Variants in SYNE2 observed in about 807,000 individuals in gnomAD.
SYNE2 encodes the protein spectrin repeat containing nuclear envelope protein 2.
A neutral mutation model predicts 856.3 loss-of-function variants in SYNE2; 431 were observed. That is an observed-to-expected ratio of 0.50 (90% CI 0.47 to 0.55). SYNE2 has a LOEUF of 0.55. SYNE2 is among the 20% of genes least tolerant of loss of function. The probability of loss-of-function intolerance (pLI) is 0.00; values close to 1 mark genes in which losing one functional copy is unlikely to be tolerated. For missense variants in SYNE2, 8,129 were observed against 8,023.2 expected, an observed-to-expected ratio of 1.01 and a Z score of -0.50; for synonymous variants, 2,923 against 2,872.3, an observed-to-expected ratio of 1.02 and a Z score of -0.56.
At chr14:64,096,750 TCAC>T (rs1179406181) in intron 61 of SYNE2, among the ~76,000 whole-genome samples, 1 of 152,198 alleles carries the variant, frequency 6.6e-6, no homozygotes, top group Non-Finnish European at 1.5e-5. Flanking sequence ...TTTGGACAAA[TCAC>T]CTTCTTTCTC....
intron 79 of SYNE2, 103 bp downstream of exon 79, chr14:64,138,086 T>G: frequency 7.3e-7 from 1 of 1,366,154 alleles, no homozygotes; most frequent in South Asian, 1.3e-5. Flanking sequence ...CCTTATGCTG[T>G]TTTTTCTTGG....
intron 1 of SYNE2, among the ~76,000 whole-genome samples, chr14:63,854,393 A>T (rs1054607922): frequency 6.6e-6 from 1 of 152,038 alleles, no homozygotes; most frequent in Non-Finnish European, 1.5e-5. Flanking sequence ...TTCAGCTTTT[A>T]TGGGATGAAT....
At chr14:64,137,292 T>TG (rs1448884732) in intron 78 of SYNE2, among the ~76,000 whole-genome samples, 1 of 152,172 alleles carries the variant, frequency 6.6e-6, no homozygotes, top group Non-Finnish European at 1.5e-5. Flanking sequence ...CTCTACCTCC[T>TG]GGGTTCCAGC....
chr14:64,105,699 A>G (rs1388956969), intron 64 of SYNE2, among the ~76,000 whole-genome samples: 2 of 152,246 alleles, frequency 1.3e-5, no homozygotes, highest in African/African-American at 4.8e-5. Context: ...TCTTAAAAGA[A>G]GGATTGCTGA....
rs1297032187 is a variant in SYNE2 at position 63,974,880 on chromosome 14, G to GTA, written c.1129-1682_1129-1681insAT. ...TGTGTGTGTGTGTGTGTGTGTGTGT[G>GTA]TGTGTGTGTGTGTATATATATATAT... On this transcript the variant is annotated intron_variant, in intron 11 of 115. Coordinates refer to ENST00000555002, the MANE Select transcript of SYNE2 (RefSeq NM_182914.3). Among the ~76,000 whole-genome samples the GTA allele has an allele frequency of 2.8e-3, 81 of 28,558 alleles. 1 individual carries two copies. Among genetic ancestry groups the GTA allele is most frequent in the African/African-American group, 9.5e-3 (76 of 7,996 alleles). 18.7% of individuals were successfully genotyped at this position (28,558 alleles called of 152,430 possible). A position where few individuals can be genotyped will look rare whatever the true frequency, so the allele number is the denominator to read the frequency against.
chr14:64,154,868 G>A (rs2153706981), intron 85 of SYNE2, among the ~76,000 whole-genome samples: 1 of 150,784 alleles, frequency 6.6e-6, no homozygotes, highest in Middle Eastern at 3.4e-3. Flanking sequence ...TGGCCGAAAA[G>A]TGCATTGAAA....
chr14:63,902,407 CAAAAAAAAAAAA>C (rs10533353), intron 1 of SYNE2, among the ~76,000 whole-genome samples: 1 of 74,644 alleles, frequency 1.3e-5, no homozygotes, highest in Non-Finnish European at 2.4e-5. Context: ...CGAGACTCCT[CAAAAAAAAAAAA>C]AAAAAAAAAA....
chr14:63,802,928 A>C lies in SYNE2; in HGVS notation c.-305+40942A>C, dbSNP rs1021841028. Among the ~76,000 whole-genome samples the C allele has an allele frequency of 2.0e-5, 3 of 152,190 alleles. No individual in the cohort carries two copies. In the East Asian group the frequency reaches 5.8e-4, roughly 29 times the overall value. On this transcript the variant is annotated intron_variant, in intron 1 of 23. Transcript: ENST00000674003. ...CGCGGTGAGTGTTACAGCTCATAAA[A>C]GCAGCGTGAACCCAAAGAGTGAGCA...
chr14:64,080,580 T>C lies in SYNE2; in HGVS notation c.11288T>C (p.Phe3763Ser). The C allele has an allele frequency of 1.2e-6, 2 of 1,614,172 alleles. No individual in the cohort carries two copies. The highest frequency in any genetic ancestry group is 1.1e-5 in the South Asian group (1 of 91,082). Residue 3763 changes from phenylalanine to serine, a missense_variant, in exon 56 of 116, where the codon TTC (phenylalanine) becomes TCC (serine). Phe to Ser is a radical substitution (Grantham distance 155). Coordinates refer to ENST00000555002, the MANE Select transcript of SYNE2 (RefSeq NM_182914.3). Reference protein sequence around the residue: ...QEWMDNLMIPFQQYQQVSQRA... With the variant: ...QEWMDNLMIPSQQYQQVSQRA... ...TGGATGGATAACTTGATGATTCCTTTCCAGCAGTATCAGCAAGTATCACAG... is the reference window on the plus strand; with the variant it reads ...TGGATGGATAACTTGATGATTCCTTCCCAGCAGTATCAGCAAGTATCACAG...
At chr14:64,008,935 G>C (rs1010678502) in intron 31 of SYNE2, among the ~76,000 whole-genome samples, 3 of 152,156 alleles carry the variant, frequency 2.0e-5, no homozygotes, top group Admixed American at 2.0e-4. Context: ...CTCCCTGGCA[G>C]TTTCCCCTGA....
Position 64,052,896 on chromosome 14 carries a change from A to G in SYNE2, c.8983A>G (p.Ile2995Val), listed in dbSNP as rs2097238123. The G allele has an allele frequency of 1.2e-6, 2 of 1,613,668 alleles. No homozygotes were observed. Among genetic ancestry groups the G allele is most frequent in the Non-Finnish European group, 1.7e-6 (2 of 1,179,910 alleles). ...KDRLTAIKCC[I>V]LQVLKLKKVF... Reference sequence around the variant, plus strand: ...CAGACTCACCGCTATTAAGTGTTGCATCTTACAGGTATTGAAACTTAAAAA... The same window carrying G: ...CAGACTCACCGCTATTAAGTGTTGCGTCTTACAGGTATTGAAACTTAAAAA... Residue 2995 changes from isoleucine (I) to valine (V), a missense_variant, in exon 48 of 116, where the codon ATC (isoleucine) becomes GTC (valine). Coordinates refer to ENST00000555002, the MANE Select transcript of SYNE2 (RefSeq NM_182914.3).
intron 1 of SYNE2, among the ~76,000 whole-genome samples, chr14:63,814,504 TAA>T (rs1888765128): frequency 2.6e-5 from 3 of 114,766 alleles, no homozygotes; most frequent in South Asian, 2.9e-4. Flanking sequence ...TCCATATATA[TAA>T]TATATATATC....
At chr14:63,944,824 C>CTTTTTGT (rs2095996518) in intron 6 of SYNE2, among the ~76,000 whole-genome samples, 1 of 46,932 alleles carries the variant, frequency 2.1e-5, no homozygotes, top group African/African-American at 1.0e-4. Flanking sequence ...GGGCTTAAAG[C>CTTTTTGT]TTTTTTTTTT....
Position 64,190,212 on chromosome 14 carries a change from C to T in SYNE2, c.18013C>T (p.His6005Tyr). 2 of 1,614,040 alleles carry T rather than the reference C, an allele frequency of 1.2e-6. No individual in the cohort carries two copies. Among genetic ancestry groups the T allele is most frequent in the Non-Finnish European group, 1.7e-6 (2 of 1,180,022 alleles). ...CAACAAAATTAACGATCGTTGGCAACATCTTTTTGATGTCATCGGATCAAG... is the reference window on the plus strand; with the variant it reads ...CAACAAAATTAACGATCGTTGGCAATATCTTTTTGATGTCATCGGATCAAG... The part of the protein sequence containing the change: ...KLNKINDRWQ[H>Y]LFDVIGSRVK... Residue 6005 changes from histidine to tyrosine, a missense_variant, in exon 99 of 116, where the codon CAT (histidine) becomes TAT (tyrosine). By Grantham distance (83) the His-to-Tyr change is moderately conservative. Transcript: ENST00000555002.
intron 1 of SYNE2, among the ~76,000 whole-genome samples, chr14:63,765,578 C>T (rs752524005): frequency 1.3e-5 from 2 of 152,042 alleles, no homozygotes; most frequent in Non-Finnish European, 2.9e-5. Context: ...AGGATGGTCT[C>T]GATCTCCTGA....
intron 1 of SYNE2, among the ~76,000 whole-genome samples, chr14:63,826,494 G>T (rs1427703843): frequency 6.6e-6 from 1 of 152,058 alleles, no homozygotes; most frequent in Non-Finnish European, 1.5e-5. Context: ...TAGAGATGGG[G>T]TATCACCATG....
At chr14:63,999,800 C>T (rs533724717) in intron 27 of SYNE2, among the ~76,000 whole-genome samples, 1 of 152,190 alleles carries the variant, frequency 6.6e-6, no homozygotes, top group Non-Finnish European at 1.5e-5. Flanking sequence ...TTTCTAGTTT[C>T]TTTTATCTTA....
rs182259242 is a variant in SYNE2 at position 63,890,146 on chromosome 14, G to A, written c.-51-18952G>A. The stretch of plus-strand genomic sequence containing the variant: ...TGTGATCTTGGCTTACTGCAGCTTC[G>A]TCCTGCTGTGCTCTGGGGTGATCCT... On this transcript the variant is annotated intron_variant, in intron 1 of 115. Coordinates refer to ENST00000555002, the MANE Select transcript of SYNE2 (RefSeq NM_182914.3). Among the ~76,000 whole-genome samples, 12 of 146,238 alleles carry A rather than the reference G, an allele frequency of 8.2e-5. No individual in the cohort carries two copies. In the East Asian group the frequency reaches 1.2e-3, roughly 15 times the overall value.
chr14:64,173,336 G>A (rs1167229259), intron 94 of SYNE2, among the ~76,000 whole-genome samples: 6 of 152,214 alleles, frequency 3.9e-5, no homozygotes, highest in Admixed American at 6.5e-5. Flanking sequence ...GGTCTAATAC[G>A]AGTGGCTCAT....
Sources: gnomAD v4.1 joint callset for allele counts (sites outside exome capture counted in the v4.1 genomes callset) on GRCh38, gnomAD v4.1.1 for gene constraint, MANE v1.5 for transcripts, NCBI Gene and HGNC (gene_info 2026-07-23, HGNC 2026-07-21) for gene names.